SENP6: variants seen among roughly 807,000 people sequenced by gnomAD.
SENP6 encodes SUMO specific peptidase 6.
In SENP6, 41 loss-of-function variants were observed where a neutral mutation model predicts 134.5. The ratio of observed to expected loss-of-function variants is 0.30; its 90% CI spans 0.24 to 0.40. The LOEUF (loss-of-function observed/expected upper bound fraction) is 0.40. Ranked by LOEUF, SENP6 falls within the 10% of genes least tolerant of loss-of-function variation. SENP6 has a pLI of 1.00. For synonymous variants in SENP6, 395 were observed against 429.8 expected (o/e 0.92, Z 1.00); for missense variants, 1,248 against 1,312.5 (o/e 0.95, Z 0.76).
chr6:75,651,434 A>G (rs917403663), intron 7 of SENP6, among the ~76,000 whole-genome samples: 2 of 152,174 alleles, frequency 1.3e-5, no homozygotes, highest in South Asian at 4.1e-4. Context: ...GGCTCACTGC[A>G]GCCTCGACCT....
chr6:75,695,757 A>T, intron 16 of SENP6, 47 bp from the exon 17 acceptor site: 1 of 1,447,648 alleles, frequency 6.9e-7, no homozygotes, highest in Non-Finnish European at 9.4e-7. Context: ...AAATAAATAA[A>T]GTGAACTGTT....
chr6:75,672,306 A>G lies in SENP6; in HGVS notation c.1392+1586A>G, dbSNP rs1772740187. ...TTTAGACATTTAATTAGAAAGTTGC[A>G]TATTTAGTCTTAAAGCTGTTTATGA... is the stretch of plus-strand genomic sequence containing the variant. On this transcript the variant is annotated intron_variant, in intron 11 of 23. Coordinates refer to ENST00000447266, the MANE Select transcript of SENP6 (RefSeq NM_015571.4). 2.6e-5 allele frequency among the ~76,000 whole-genome samples: 4 copies of G among 152,234 alleles called. No homozygotes were observed. In the South Asian group the frequency reaches 8.3e-4, roughly 31 times the overall value.
chr6:75,664,471 C>T (rs1772039184), intron 9 of SENP6, among the ~76,000 whole-genome samples: 2 of 151,732 alleles, frequency 1.3e-5, no homozygotes, highest in Admixed American at 6.6e-5. Flanking sequence ...GTTCTTGCAA[C>T]GATTCTGTGA....
chr6:75,715,638 C>T lies in SENP6; in HGVS notation c.*44C>T, dbSNP rs568544010. On this transcript the variant is annotated 3_prime_UTR_variant, in exon 24 of 24. Coordinates refer to ENST00000447266, the MANE Select transcript of SENP6 (RefSeq NM_015571.4). ...ATTTCTACTTTCAGAAACTAAATGA[C>T]TTTCAAATTTGGGTATAGACAATAA... 1 of 1,504,966 alleles carries T rather than the reference C, an allele frequency of 6.6e-7. No individual in the cohort carries two copies. The allele number at this position is 1,504,966 out of a possible 1,614,324, so 93.2% of individuals were successfully genotyped here.
intron 11 of SENP6, among the ~76,000 whole-genome samples, chr6:75,671,682 A>G (rs1202341003): frequency 1.3e-5 from 2 of 152,228 alleles, no homozygotes; most frequent in Non-Finnish European, 2.9e-5. Flanking sequence ...AGACGGCGCC[A>G]CTGCACTCCA....
In SENP6 at chr6:75,695,932, A is replaced by G. The variant is rs189640266; in HGVS notation, c.2195+9A>G. On this transcript the variant is annotated intron_variant, in intron 17 of 23. Coordinates refer to ENST00000447266, the MANE Select transcript of SENP6 (RefSeq NM_015571.4). The stretch of plus-strand genomic sequence containing the variant: ...GAAACAACTAATCTGTCGTAAGTCA[A>G]ACTCTGAAAATATTTAACAGATGTA... The G allele has an allele frequency of 3.5e-5, 55 of 1,575,898 alleles. No individual in the cohort carries two copies. Among genetic ancestry groups the G allele is most frequent in the Non-Finnish European group, 4.4e-5 (51 of 1,167,174 alleles).
intron 7 of SENP6, among the ~76,000 whole-genome samples, chr6:75,656,290 C>T (rs182463310): frequency 2.4e-4 from 37 of 151,954 alleles, no homozygotes; most frequent in African/African-American, 7.7e-4. Flanking sequence ...ATGTTCCTAC[C>T]GCAGGGTCTT....
rs916695372 is a variant in SENP6 at position 75,647,550 on chromosome 6, A to G, written c.480-181A>G. 8 of 372,116 alleles carry G rather than the reference A, an allele frequency of 2.1e-5. No individual in the cohort carries two copies. The Admixed American group carries it at 3.5e-4, about 16-fold the overall frequency. The allele number at this position is 372,116 out of a possible 1,614,324, so 23.1% of individuals were successfully genotyped here. On this transcript the variant is annotated intron_variant, in intron 6 of 23. Transcript: ENST00000447266. ...TTTTTAAACAACTAAAAAATACAGT[A>G]AAATTTTACAAATTGAGTTTCATTT...
chr6:75,686,979 C>G (rs1436222109), intron 16 of SENP6, among the ~76,000 whole-genome samples: 1 of 152,144 alleles, frequency 6.6e-6, no homozygotes, highest in South Asian at 2.1e-4. Context: ...TGGGTAATAT[C>G]CTGCAGAGTG....
In SENP6 at chr6:75,685,377, A is replaced by G. The variant is rs140654965; in HGVS notation, c.2075+6450A>G. On this transcript the variant is annotated intron_variant, in intron 16 of 23. Coordinates refer to ENST00000447266, the MANE Select transcript of SENP6 (RefSeq NM_015571.4). ...TTTTTGAAGGGTTTTTTTTGTCTCTATCTCCTTCAGTTCTGCTTTGATCTT... is the reference window on the plus strand; with the variant it reads ...TTTTTGAAGGGTTTTTTTTGTCTCTGTCTCCTTCAGTTCTGCTTTGATCTT... 4.3e-4 allele frequency among the ~76,000 whole-genome samples: 65 copies of G among 151,396 alleles called. 1 individual carries two copies. The East Asian group carries it at 0.012, about 27-fold the overall frequency.
chr6:75,616,434 G>T (rs1255690187), intron 1 of SENP6, among the ~76,000 whole-genome samples: 1 of 151,986 alleles, frequency 6.6e-6, no homozygotes, highest in Non-Finnish European at 1.5e-5. Flanking sequence ...ATCAATTAGG[G>T]TATGATTGAG....
At chr6:75,623,377 C>T (rs963827044) in intron 2 of SENP6, among the ~76,000 whole-genome samples, 21 of 152,034 alleles carry the variant, frequency 1.4e-4, no homozygotes, top group African/African-American at 3.4e-4. Flanking sequence ...AATTTCAGGC[C>T]GGTGATTTCT....
At chr6:75,614,881 G>A (rs1767733149) in intron 1 of SENP6, among the ~76,000 whole-genome samples, 1 of 151,984 alleles carries the variant, frequency 6.6e-6, no homozygotes, top group Non-Finnish European at 1.5e-5. Context: ...TGGTTTGCAA[G>A]TTTTTTGTTG....
At position 75,715,856 on chromosome 6, in the gene SENP6, C is replaced by A; in HGVS notation, c.*262C>A. 1.7e-5 allele frequency: 4 copies of A among 238,830 alleles called. No individual in the cohort carries two copies. Among genetic ancestry groups the A allele is most frequent in the Admixed American group, 5.5e-5 (1 of 18,342 alleles). The allele number at this position is 238,830 out of a possible 1,614,324, so 14.8% of individuals were successfully genotyped here. ...TGTTATGTATTTTCTGTTAATAGTA[C>A]CTAAAATTGCAACTTCTAAACACAA... On this transcript the variant is annotated 3_prime_UTR_variant, in exon 24 of 24. Transcript: ENST00000447266.
chr6:75,603,065 A>G (rs1209116845), intron 1 of SENP6, among the ~76,000 whole-genome samples: 1 of 152,216 alleles, frequency 6.6e-6, no homozygotes, highest in East Asian at 1.9e-4. Flanking sequence ...TTTTGCAGCC[A>G]GCCTTCAGAT....
intron 1 of SENP6, among the ~76,000 whole-genome samples, chr6:75,609,791 A>G (rs532274366): frequency 6.6e-5 from 10 of 152,198 alleles, no homozygotes; most frequent in East Asian, 5.8e-4. Context: ...GTTTTTTGAG[A>G]TGGAGTAGAT....
Position 75,663,449 on chromosome 6 carries a change from G to T in SENP6, c.925G>T (p.Gly309Trp). 2 of 1,612,752 alleles carry T rather than the reference G, an allele frequency of 1.2e-6. No homozygotes were observed. Among genetic ancestry groups the T allele is most frequent in the Non-Finnish European group, 1.7e-6 (2 of 1,179,630 alleles). Residue 309 changes from glycine to tryptophan, a missense_variant, in exon 9 of 24, where the codon GGG becomes TGG. Gly to Trp is a radical substitution (Grantham distance 184, BLOSUM62 -2). Coordinates refer to ENST00000447266, the MANE Select transcript of SENP6 (RefSeq NM_015571.4). ...GACTAATGGAAAAGTCATTTTACCT[G>T]GGGCAAAAATACCCAAAATCACAAA... ...LQTNGKVILP[G>W]AKIPKITNLK...
rs559588799 is a variant in SENP6, at chr6:75,632,721, T to TA, written c.208-857dup. 6.6e-5 allele frequency among the ~76,000 whole-genome samples: 10 copies of TA among 152,274 alleles called. No homozygotes were observed. In the South Asian group the frequency reaches 2.1e-3, roughly 32 times the overall value. ...TTAGGCTGGGGTAGGGCGGTGGATT[T>TA]AAAGTTTTAGGGACTTCCAGACTGA... On this transcript the variant is annotated intron_variant, in intron 3 of 23. Transcript: ENST00000447266.
chr6:75,659,368 T>C lies in SENP6; in HGVS notation c.657T>C (p.Pro219=). 1 of 1,610,864 alleles carries C rather than the reference T, an allele frequency of 6.2e-7. No homozygotes were observed. Among genetic ancestry groups the C allele is most frequent in the East Asian group, 2.2e-5 (1 of 44,826 alleles). Residue 219 remains proline (P), a synonymous_variant, in exon 8 of 24, where the codon CCT becomes CCC. Coordinates refer to ENST00000447266, the MANE Select transcript of SENP6 (RefSeq NM_015571.4). ...RHCSTYQPTP[P]LSPASKKCLT... Reference sequence around the variant, plus strand: ...GTAGTACCTATCAGCCTACTCCTCCTCTATCTCCTGCTTCAAAAAAATGTT... The same window carrying C: ...GTAGTACCTATCAGCCTACTCCTCCCCTATCTCCTGCTTCAAAAAAATGTT...
Sources: allele counts gnomAD v4.1 joint callset (sites outside exome capture counted in the v4.1 genomes callset), GRCh38; gene constraint gnomAD v4.1.1; transcripts MANE v1.5; gene names NCBI Gene and HGNC (gene_info 2026-07-23, HGNC 2026-07-21).